The following F11 variants were observed in gnomAD, a reference collection of about 807,000 sequenced individuals.
The protein encoded by F11 is coagulation factor XI.
F11 carries 78 observed loss-of-function variants against 76.5 expected under a neutral mutation model. The observed-to-expected ratio is 1.02, with a 90% CI of 0.85 to 1.23. The LOEUF (loss-of-function observed/expected upper bound fraction) is 1.23. F11 is among the 50% of genes most tolerant of loss of function. The pLI is 0.00. For synonymous variants in F11, 278 were observed against 276.3 expected (o/e 1.01, Z -0.06); for missense variants, 742 against 771.4 (o/e 0.96, Z 0.45).
At chr4:186,281,875 A>G (rs1340309320) in intron 10 of F11, 4 of 1,222,332 alleles carry the variant, frequency 3.3e-6, no homozygotes, top group Admixed American at 2.4e-5. Context: ...TTTGTAGAAC[A>G]TAAAGACGTT....
In F11 at chr4:186,280,459, T is replaced by G. The variant is rs1190623343; in HGVS notation, c.1029-15T>G. ...GAGGTGCATTATGTTTATACCGTTTTGTTTCCAACTGCAGGGGCAAGTGTT... is the reference window on the plus strand; with the variant it reads ...GAGGTGCATTATGTTTATACCGTTTGGTTTCCAACTGCAGGGGCAAGTGTT... On this transcript the variant is annotated splice_polypyrimidine_tract_variant and intron_variant, in intron 9 of 14. Transcript: ENST00000403665. The G allele has an allele frequency of 6.2e-7, 1 of 1,614,212 alleles. No homozygotes were observed. Among genetic ancestry groups the G allele is most frequent in the African/African-American group, 1.3e-5 (1 of 75,052 alleles).
In F11 at chr4:186,280,209, G is replaced by A. The variant is rs1004651318; in HGVS notation, c.866-14G>A. The A allele has an allele frequency of 9.9e-6, 16 of 1,613,966 alleles. No individual in the cohort carries two copies. The highest frequency in any genetic ancestry group is 1.3e-5 in the Non-Finnish European group (15 of 1,180,006). On this transcript the variant is annotated splice_polypyrimidine_tract_variant and intron_variant, in intron 8 of 14. Coordinates refer to ENST00000403665, the MANE Select transcript of F11 (RefSeq NM_000128.4). The stretch of plus-strand genomic sequence containing the variant: ...GAGGGAGGGTCTCACTCTGACATGT[G>A]GTCTGCTGTCTAGTGTTCTGCCATT...
Position 186,280,373 on chromosome 4 carries a change from G to T in F11, c.1016G>T (p.Cys339Phe), listed in dbSNP as rs5967. ...ACCTATACCCCAGCCCAAGCATCCT[G>T]CAACGAAGGGAAGTAAGCCATATGA... ...FFTYTPAQAS[C>F]NEGKGKCYLK... The change falls in exon 9 of 15, where the codon TGC (cysteine) becomes TTC (phenylalanine). Residue 339 changes from cysteine (C) to phenylalanine (F), a missense_variant. Transcript: ENST00000403665. 1,780 of 1,614,182 alleles carry T rather than the reference G, an allele frequency of 1.1e-3. 19 individuals are homozygous for T. In the African/African-American group the frequency reaches 0.02, roughly 18 times the overall value.
At chr4:186,286,311 G>A in intron 12 of F11, 104 bp from the exon 13 acceptor site, 1 of 1,135,880 alleles carries the variant, frequency 8.8e-7, no homozygotes, top group Non-Finnish European at 1.3e-6. Context: ...AATGAATATA[G>A]TAAACAAAGA....
chr4:186,280,617 G>GA (rs1740729895), intron 10 of F11, 37 bp downstream of exon 10: 1 of 1,454,478 alleles, frequency 6.9e-7, no homozygotes, highest in Admixed American at 1.7e-5. Flanking sequence ...ATAGCTGAAG[G>GA]AATTATTCCA....
chr4:186,284,321 T>C (rs1405507532), intron 11 of F11, 61 bp downstream of exon 11: 11 of 1,364,176 alleles, frequency 8.1e-6, no homozygotes, highest in Non-Finnish European at 7.2e-6. Context: ...AAAATATTAC[T>C]AGCATGTTAG....
At chr4:186,278,576 C>A (rs1008347340) in intron 7 of F11, among the ~76,000 whole-genome samples, 5 of 152,066 alleles carry the variant, frequency 3.3e-5, no homozygotes, top group African/African-American at 4.8e-5. Context: ...ATAGGTTGGA[C>A]CACGGATTGT....
At chr4:186,282,252 C>T in intron 10 of F11, 1 of 985,370 alleles carries the variant, frequency 1.0e-6, no homozygotes, top group Non-Finnish European at 1.2e-6. Flanking sequence ...AGACTCTGGC[C>T]TGTAGAAGTT....
chr4:186,270,862 A>AAT (rs1554081766), intron 2 of F11, among the ~76,000 whole-genome samples: 1 of 138,306 alleles, frequency 7.2e-6, no homozygotes, highest in African/African-American at 2.7e-5. Context: ...CCCAGCTAGT[A>AAT]TTTTTTTTTT....
chr4:186,286,491 G>C lies in F11; in HGVS notation c.1557G>C (p.Trp519Cys), dbSNP rs1334907475. The C allele has an allele frequency of 3.1e-6, 5 of 1,613,842 alleles. No individual in the cohort carries two copies. Among genetic ancestry groups the C allele is most frequent in the Middle Eastern group, 1.6e-4 (1 of 6,062 alleles). ...ACACTGATTGCTGGGTGACTGGATG[G>C]GGGTACAGAAAACTAAGAGGTAAAA... ...VIYTDCWVTG[W>C]GYRKLRDKIQ... The change falls in exon 13 of 15, where the codon TGG becomes TGC. Residue 519 changes from tryptophan to cysteine, a missense_variant. Coordinates refer to ENST00000403665, the MANE Select transcript of F11 (RefSeq NM_000128.4).
At chr4:186,290,052 A>G (rs1741471262), downstream of F11, among the ~76,000 whole-genome samples, 2 of 151,978 alleles carry the variant, frequency 1.3e-5, no homozygotes, top group Non-Finnish European at 2.9e-5. Flanking sequence ...TGGTGAGCAA[A>G]CATATATCCT....
At chr4:186,269,253 G>T (rs4253824) in intron 2 of F11, among the ~76,000 whole-genome samples, 14 of 151,836 alleles carry the variant, frequency 9.2e-5, no homozygotes, top group Non-Finnish European at 1.6e-4. Flanking sequence ...GGTACATACC[G>T]AAAAAAAAGA....
intron 10 of F11, chr4:186,282,920 G>C: frequency 1.0e-6 from 1 of 985,380 alleles, no homozygotes; most frequent in South Asian, 4.7e-5. Context: ...AAAAGGCCTA[G>C]AAAGGTTGTT....
chr4:186,268,964 T>A (rs1278976485), intron 2 of F11, among the ~76,000 whole-genome samples: 1 of 152,170 alleles, frequency 6.6e-6, no homozygotes, highest in African/African-American at 2.4e-5. Context: ...ACACACATAT[T>A]TGAGAGGTCA....
Position 186,267,316 on chromosome 4 carries a change from G to C in F11, c.55+125G>C, listed in dbSNP as rs1490372520. 5.4e-5 allele frequency: 41 copies of C among 764,140 alleles called. No homozygotes were observed. In the East Asian group the frequency reaches 6.3e-4, roughly 12 times the overall value. The allele number at this position is 764,140 out of a possible 1,614,324, so 47.3% of individuals were successfully genotyped here. On this transcript the variant is annotated intron_variant, in intron 2 of 14. Transcript: ENST00000403665. ...AATAAAATGTTTTTATTAACTTCCT[G>C]CCTGAGGCTCCAGAGGTTTTCAAAG... is the stretch of plus-strand genomic sequence containing the variant.
At chr4:186,282,041 C>T (rs556984310) in intron 10 of F11, 2 of 1,250,004 alleles carry the variant, frequency 1.6e-6, no homozygotes, top group African/African-American at 1.5e-5. Flanking sequence ...AATAAATTTC[C>T]CTAAGACAAG....
chr4:186,274,063 G>A, intron 4 of F11, 53 bp from the exon 5 acceptor site: 1 of 1,608,040 alleles, frequency 6.2e-7, no homozygotes, highest in Non-Finnish European at 8.5e-7. Context: ...AGTTGCTTAG[G>A]TCATTGCCCC....
intron 4 of F11, among the ~76,000 whole-genome samples, chr4:186,273,579 A>G (rs1297071205): frequency 6.6e-6 from 1 of 151,912 alleles, no homozygotes; most frequent in Non-Finnish European, 1.5e-5. Flanking sequence ...TAGCCTCTGG[A>G]GTAGCTGGGA....
At chr4:186,276,012 C>A in intron 6 of F11, 116 bp downstream of exon 6, 1 of 976,576 alleles carries the variant, frequency 1.0e-6, no homozygotes, top group Non-Finnish European at 1.6e-6. Context: ...AAGATCTTTA[C>A]CTTCTTCATG....
Sources: allele counts gnomAD v4.1 joint callset (sites outside exome capture counted in the v4.1 genomes callset), GRCh38; gene constraint gnomAD v4.1.1; transcripts MANE v1.5; gene names NCBI Gene and HGNC (gene_info 2026-07-23, HGNC 2026-07-21).